SAFB: variants seen among roughly 807,000 people sequenced by gnomAD.
The protein encoded by SAFB is scaffold attachment factor B1.
A neutral mutation model predicts 101.6 loss-of-function variants in SAFB; 15 were observed. The observed-to-expected ratio is 0.15, with a 90% CI of 0.10 to 0.23. The LOEUF (loss-of-function observed/expected upper bound fraction) is 0.23, where lower values mean the gene tolerates loss of function less well. Ranked by LOEUF, SAFB falls within the 10% of genes least tolerant of loss-of-function variation. SAFB has a pLI of 1.00. For missense variants in SAFB, 930 were observed against 1,104.1 expected (o/e 0.84, Z 2.23); for synonymous variants, 449 against 407.5 (o/e 1.10, Z -1.23).
At chr19:5,663,923 AT>A (rs2054271460) in intron 15 of SAFB, 98 bp from the exon 16 acceptor site, 2 of 1,324,498 alleles carry the variant, frequency 1.5e-6, no homozygotes, top group East Asian at 4.6e-5. Flanking sequence ...GGTGAAAGTC[AT>A]CCTGGTTCTG....
intron 14 of SAFB, among the ~76,000 whole-genome samples, chr19:5,659,141 CAA>C (rs772619826): frequency 2.3e-5 from 3 of 130,280 alleles, no homozygotes; most frequent in South Asian, 2.4e-4. Flanking sequence ...GACTCCGTCT[CAA>C]AAAAAAAAAA....
intron 8 of SAFB, among the ~76,000 whole-genome samples, chr19:5,650,242 G>A (rs548521796): frequency 6.6e-5 from 10 of 152,268 alleles, no homozygotes; most frequent in African/African-American, 2.4e-4. Context: ...TGCATTAACT[G>A]AGAAATAATT....
At chr19:5,627,137 C>T (rs2053383046) in intron 2 of SAFB, among the ~76,000 whole-genome samples, 1 of 151,524 alleles carries the variant, frequency 6.6e-6, no homozygotes, top group Admixed American at 6.6e-5. Context: ...GATTGCACCA[C>T]TGCACTCCAG....
intron 2 of SAFB, among the ~76,000 whole-genome samples, chr19:5,640,188 G>A (rs2053676339): frequency 6.6e-6 from 1 of 152,050 alleles, no homozygotes; most frequent in African/African-American, 2.4e-5. Flanking sequence ...GTGTAAATCA[G>A]AAATTTTTAG....
intron 4 of SAFB, among the ~76,000 whole-genome samples, chr19:5,642,651 CTT>C (rs767488519): frequency 1.2e-3 from 83 of 70,846 alleles, no homozygotes; most frequent in Non-Finnish European, 1.3e-3. Flanking sequence ...CCCTTCCTTT[CTT>C]TTTTTTTTTT....
intron 13 of SAFB, among the ~76,000 whole-genome samples, chr19:5,655,320 C>A (rs4807806): frequency 9.7e-4 from 147 of 151,836 alleles, no homozygotes; most frequent in Admixed American, 8.1e-3. Context: ...TAGGCAGGCT[C>A]GGTGGTATGC....
chr19:5,649,865 G>C, intron 7 of SAFB, 61 bp from the exon 8 acceptor site: 1 of 1,488,822 alleles, frequency 6.7e-7, no homozygotes, highest in Non-Finnish European at 9.4e-7. Context: ...GAATTTTATG[G>C]TTTTGAGTTT....
chr19:5,645,447 C>G (rs373422884), intron 5 of SAFB, 48 bp downstream of exon 5: 21 of 880,746 alleles, frequency 2.4e-5, no homozygotes, highest in Middle Eastern at 2.2e-4. Context: ...GGTCAGACCA[C>G]AATTTCTGGA....
At position 5,649,432 on chromosome 19, in the gene SAFB, G is replaced by A. The variant is rs1472538326; in HGVS notation, c.1081G>A (p.Ala361Thr). The A allele has an allele frequency of 2.1e-6, 1 of 483,740 alleles. No homozygotes were observed. Among genetic ancestry groups the A allele is most frequent in the Non-Finnish European group, 3.4e-6 (1 of 291,566 alleles). The allele number at this position is 483,740 out of a possible 1,614,324, so 30.0% of individuals were successfully genotyped here. Residue 361 changes from alanine to threonine, a missense_variant, in exon 7 of 21, where the codon GCT becomes ACT. Around this residue, in one of 7 missense-constraint regions of SAFB, gnomAD observed 130 missense variants for 114.2 expected, o/e 1.14. Coordinates refer to ENST00000588852, the MANE Select transcript of SAFB (RefSeq NM_001201338.2). ...AGACGGGAGGAAGTTTGATTTTGAC[G>A]CTTGTAATGAAGTCCCTCCGGCTCC... is the stretch of plus-strand genomic sequence containing the variant. ...KEDGRKFDFDACNEVPPAPKE... is the reference protein window; with the variant it reads ...KEDGRKFDFDTCNEVPPAPKE...
chr19:5,649,845 A>T, intron 7 of SAFB, 81 bp from the exon 8 acceptor site: 1 of 1,301,256 alleles, frequency 7.7e-7, no homozygotes, highest in Non-Finnish European at 1.1e-6. Flanking sequence ...TAGGTATGCA[A>T]CCTCAGCACG....
At position 5,667,012 on chromosome 19, in the gene SAFB, G is replaced by A; in HGVS notation, c.2335-34G>A. 1 of 1,384,788 alleles carries A rather than the reference G, an allele frequency of 7.2e-7. No homozygotes were observed. The highest frequency in any genetic ancestry group is 1.2e-5 in the South Asian group (1 of 86,708). 85.8% of individuals were successfully genotyped at this position (1,384,788 alleles called of 1,614,324 possible). A position where few individuals can be genotyped will look rare whatever the true frequency, so the allele number is the denominator to read the frequency against. On this transcript the variant is annotated intron_variant, in intron 17 of 20. Transcript: ENST00000588852. The surrounding 1 kb of genome is among the most constrained non-coding windows in gnomAD (Gnocchi z 4.0). The stretch of plus-strand genomic sequence containing the variant: ...TTGGGGTCTGGGCGCTGACACTGAA[G>A]CTTTTTTTTCCCTTCTGGCTCTGTG...
At chr19:5,651,863 C>G (rs555916155) in intron 9 of SAFB, among the ~76,000 whole-genome samples, 13 of 152,280 alleles carry the variant, frequency 8.5e-5, no homozygotes, top group African/African-American at 3.1e-4. Context: ...TATAGAAAAC[C>G]AAGTGTTTTC....
At chr19:5,655,189 T>C (rs1048598997) in intron 13 of SAFB, among the ~76,000 whole-genome samples, 2 of 152,120 alleles carry the variant, frequency 1.3e-5, no homozygotes, top group Non-Finnish European at 2.9e-5. Flanking sequence ...CTGAGCATGG[T>C]GGCTCATGCC....
intron 4 of SAFB, among the ~76,000 whole-genome samples, chr19:5,642,272 A>C (rs2053732542): frequency 6.6e-6 from 1 of 152,174 alleles, no homozygotes; most frequent in African/African-American, 2.4e-5. Context: ...AGAGGTTAGA[A>C]GTTGGTGTTT....
chr19:5,635,981 G>T (rs2053586908), intron 2 of SAFB, among the ~76,000 whole-genome samples: 1 of 151,978 alleles, frequency 6.6e-6, no homozygotes, highest in African/African-American at 2.4e-5. Flanking sequence ...CTTTCCTCAA[G>T]TCGTGATGAT....
intron 16 of SAFB, 84 bp from the exon 17 acceptor site, chr19:5,664,313 G>A: frequency 6.9e-7 from 1 of 1,455,416 alleles, no homozygotes. Context: ...GGGAAATTAT[G>A]CTTTTCATTG....
intron 1 of SAFB, among the ~76,000 whole-genome samples, chr19:5,624,392 C>T (rs2053295656): frequency 6.6e-6 from 1 of 152,156 alleles, no homozygotes; most frequent in African/African-American, 2.4e-5. Flanking sequence ...CACGAGTCCT[C>T]ATTTGCAGAT....
rs551666340 is a variant in SAFB at position 5,625,781 on chromosome 19, C to G, written c.190-624C>G. ...TCAATATCCGATGAGGCACAATCAC[C>G]TAGTGGTTGAGAATGAGGTACTGGA... On this transcript the variant is annotated intron_variant, in intron 1 of 20. Transcript: ENST00000588852. Among the ~76,000 whole-genome samples, 75 of 152,242 alleles carry G rather than the reference C, an allele frequency of 4.9e-4. 2 individuals are homozygous for G. The South Asian group carries it at 0.015, about 30-fold the overall frequency.
At chr19:5,638,987 A>T (rs2053650223) in intron 2 of SAFB, among the ~76,000 whole-genome samples, 1 of 151,914 alleles carries the variant, frequency 6.6e-6, no homozygotes, top group Admixed American at 6.6e-5. Flanking sequence ...TTGGCCTCCC[A>T]AAGTGGTGGG....
Sources: allele counts gnomAD v4.1 joint callset (sites outside exome capture counted in the v4.1 genomes callset), GRCh38; gene constraint gnomAD v4.1.1; regional missense constraint gnomAD v4.1.1; non-coding constraint Gnocchi (gnomAD v3.1); transcripts MANE v1.5; gene names NCBI Gene and HGNC (gene_info 2026-07-23, HGNC 2026-07-21).